TRRAP: variants seen among roughly 807,000 people sequenced by gnomAD.
The protein encoded by TRRAP is transformation/transcription domain associated protein.
TRRAP carries 41 observed loss-of-function variants against 438.8 expected under a neutral mutation model. The observed-to-expected ratio is 0.09, with a 90% CI of 0.07 to 0.12. The LOEUF (loss-of-function observed/expected upper bound fraction) is 0.12, where lower values mean the gene tolerates loss of function less well. Ranked by LOEUF, TRRAP falls within the 10% of genes least tolerant of loss-of-function variation. The pLI, the probability that TRRAP is intolerant of heterozygous loss-of-function variation, is 1.00. For synonymous variants in TRRAP, 1,994 were observed against 1,962.9 expected, an observed-to-expected ratio of 1.02 and a Z score of -0.42; for missense variants, 3,122 against 5,055.1, an observed-to-expected ratio of 0.62 and a Z score of 11.60.
intron 21 of TRRAP, among the ~76,000 whole-genome samples, chr7:98,923,205 C>T (rs1789878513): frequency 6.6e-6 from 1 of 152,206 alleles, no homozygotes; most frequent in South Asian, 2.1e-4. Flanking sequence ...TTTTATTTGA[C>T]TCTGTATAGA....
chr7:98,929,107 T>C (rs1790205049), intron 23 of TRRAP, among the ~76,000 whole-genome samples: 1 of 151,828 alleles, frequency 6.6e-6, no homozygotes, highest in South Asian at 2.1e-4. Flanking sequence ...CCCGGGTAAT[T>C]TTTTTGGTAT....
chr7:98,965,591 A>G, intron 48 of TRRAP, 105 bp from the exon 49 acceptor site: 1 of 1,485,834 alleles, frequency 6.7e-7, no homozygotes, highest in Non-Finnish European at 9.3e-7. Context: ...AAAAACATTG[A>G]GGGGGAAAAT....
intron 61 of TRRAP, among the ~76,000 whole-genome samples, chr7:98,984,729 A>C (rs1282124470): frequency 6.6e-6 from 1 of 152,216 alleles, no homozygotes; most frequent in East Asian, 1.9e-4. Flanking sequence ...AAGACCCCTA[A>C]GTATTTAGGA....
At chr7:98,910,479 A>T in intron 15 of TRRAP, 31 bp from the exon 16 acceptor site, 1 of 1,613,720 alleles carries the variant, frequency 6.2e-7, no homozygotes, top group South Asian at 1.1e-5. Flanking sequence ...AGTTTTATTC[A>T]AGTTAACTTA....
rs782445448 is a variant in TRRAP, at chr7:98,892,431, G to A, written c.269G>A (p.Arg90Gln). Reference sequence around the variant, plus strand: ...TTTATTTTTTCTTGCCAGCAACTGCGGAAGCTCGTACTTGAAATAATTCAT... The same window carrying A: ...TTTATTTTTTCTTGCCAGCAACTGCAGAAGCTCGTACTTGAAATAATTCAT... ...FLQEKPAQQL[R>Q]KLVLEIIHRI... Residue 90 changes from arginine (R) to glutamine (Q), a missense_variant, in exon 5 of 73, where the codon CGG becomes CAG. Arg to Gln is a conservative substitution (Grantham distance 43). Around this residue, in one of 24 missense-constraint regions of TRRAP, gnomAD observed 343 missense variants for 564.0 expected, o/e 0.61. Coordinates refer to ENST00000456197, the MANE Select transcript of TRRAP (RefSeq NM_001375524.1). 13 of 1,609,590 alleles carry A rather than the reference G, an allele frequency of 8.1e-6. No homozygotes were observed. The highest frequency in any genetic ancestry group is 6.7e-5 in the East Asian group (3 of 44,876).
At chr7:98,920,300 A>G (rs1315227883) in intron 20 of TRRAP, among the ~76,000 whole-genome samples, 1 of 151,982 alleles carries the variant, frequency 6.6e-6, no homozygotes, top group Non-Finnish European at 1.5e-5. Context: ...GTGAAACCCT[A>G]TCTGCACTAA....
intron 21 of TRRAP, 91 bp from the exon 22 acceptor site, chr7:98,925,021 T>G: frequency 6.8e-7 from 1 of 1,475,782 alleles, no homozygotes; most frequent in Non-Finnish European, 9.0e-7. Flanking sequence ...AAAAAAAGAT[T>G]CTTCTGGGTG....
chr7:98,950,998 T>C lies in TRRAP; in HGVS notation c.5457T>C (p.Ile1819=), dbSNP rs782711911. The part of the protein sequence containing the change: ...DNPESITSVF[I]TKVLDPEKQA... ...CAGAAAGCATCACCAGTGTGTTTAT[T>C]ACCAAGGTGGTATCACTATGTGTGT... The change falls in exon 39 of 73, where the codon ATT becomes ATC. Residue 1819 remains isoleucine (I), a synonymous_variant. Transcript: ENST00000456197. 4 of 1,599,092 alleles carry C rather than the reference T, an allele frequency of 2.5e-6. No individual in the cohort carries two copies. The highest frequency in any genetic ancestry group is 2.6e-6 in the Non-Finnish European group (3 of 1,174,860).
chr7:98,947,139 C>T lies in TRRAP; in HGVS notation c.4549-1082C>T, dbSNP rs1432459514. The stretch of plus-strand genomic sequence containing the variant: ...CACAGCGCAGCACGGCACATTGGAA[C>T]GTGTCCCTCCCTTGTGGCCATGGAG... On this transcript the variant is annotated intron_variant, in intron 33 of 72. Coordinates refer to ENST00000456197, the MANE Select transcript of TRRAP (RefSeq NM_001375524.1). 5.3e-5 allele frequency among the ~76,000 whole-genome samples: 8 copies of T among 152,230 alleles called. No homozygotes were observed. In the South Asian group the frequency reaches 6.2e-4, roughly 12 times the overall value.
intron 14 of TRRAP, 57 bp downstream of exon 14, chr7:98,909,019 ATTTTTTTTTTT>A: frequency 9.2e-7 from 1 of 1,091,046 alleles, no homozygotes; most frequent in African/African-American, 1.8e-5. Flanking sequence ...TTGTGGCTAA[ATTTTTTTTTTT>A]TTTTTTTTTT....
chr7:98,964,820 C>G (rs1343839887), intron 48 of TRRAP, 45 bp downstream of exon 48: 2 of 1,581,472 alleles, frequency 1.3e-6, no homozygotes, highest in Non-Finnish European at 1.7e-6. Flanking sequence ...CTCTGTTGAA[C>G]AGAGAACAGA....
At chr7:98,878,822 G>A (rs1332075565) in intron 1 of TRRAP, among the ~76,000 whole-genome samples, 185 bp downstream of exon 1, 2 of 152,114 alleles carry the variant, frequency 1.3e-5, no homozygotes, top group African/African-American at 4.8e-5. Flanking sequence ...TTGCGGCCGA[G>A]CTGAGAGGAA....
intron 59 of TRRAP, among the ~76,000 whole-genome samples, chr7:98,982,627 G>A (rs569331244): frequency 4.6e-5 from 7 of 152,204 alleles, no homozygotes; most frequent in Non-Finnish European, 1.0e-4. Flanking sequence ...TAGAAGCCAA[G>A]GACAGAATTT....
Position 98,921,906 on chromosome 7 carries a change from G to T in TRRAP, c.2776G>T (p.Val926Leu). Residue 926 changes from valine to leucine, a missense_variant, in exon 21 of 73, where the codon GTG (valine) becomes TTG (leucine). Physicochemically the swap from Val to Leu is conservative, Grantham distance 32. Around this residue, in one of 24 missense-constraint regions of TRRAP, gnomAD observed 133 missense variants for 188.6 expected, o/e 0.71. Transcript: ENST00000456197. ...CGAGGTTCAGGGCCCCAGCATCACT[G>T]TGGAGTTTTCCGACTGCAAAGCTTC... ...VTEVQGPSIT[V>L]EFSDCKASLQ... The T allele has an allele frequency of 6.2e-7, 1 of 1,614,234 alleles. No individual in the cohort carries two copies. Among genetic ancestry groups the T allele is most frequent in the Non-Finnish European group, 8.5e-7 (1 of 1,180,040 alleles).
At chr7:98,992,339 C>G in intron 65 of TRRAP, 112 bp downstream of exon 65, 1 of 1,097,232 alleles carries the variant, frequency 9.1e-7, no homozygotes, top group Non-Finnish European at 1.4e-6. Context: ...CACTCATAGC[C>G]GTGGCCAATC....
chr7:98,956,913 C>A lies in TRRAP; in HGVS notation c.6231+380C>A, dbSNP rs964020110. 1.3e-5 allele frequency among the ~76,000 whole-genome samples: 2 copies of A among 151,932 alleles called. No individual in the cohort carries two copies. Among genetic ancestry groups the A allele is most frequent in the African/African-American group, 4.8e-5 (2 of 41,348 alleles). ...GCCACCAAGAGGGTCCTGGGTATTG[C>A]CCCTTGTGGAGTGGTGGCCCTAGGA... On this transcript the variant is annotated intron_variant, in intron 43 of 72. Transcript: ENST00000456197. The surrounding 1 kb of genome is among the most constrained non-coding windows in gnomAD (Gnocchi z 4.5).
intron 13 of TRRAP, 61 bp downstream of exon 13, chr7:98,906,316 C>G (rs1247835505): frequency 9.5e-6 from 13 of 1,361,330 alleles, no homozygotes; most frequent in Non-Finnish European, 1.4e-5. Flanking sequence ...GTTACTGGCA[C>G]TTCATGTTAC....
At chr7:98,957,748 C>T (rs975113399) in intron 43 of TRRAP, among the ~76,000 whole-genome samples, 5 of 152,320 alleles carry the variant, frequency 3.3e-5, no homozygotes, top group African/African-American at 1.2e-4. Context: ...GGGCCTCGCA[C>T]TTTTGTTCCC....
rs2116741238 is a variant in TRRAP, at chr7:98,978,865, G to A, written c.8595G>A (p.Arg2865=). ...ACCTCGTCCTGGAGTGCGCCTGGCG[G>A]GTGTCCAACTGGACTGCCATGAAGG... ...NPYLVLECAW[R]VSNWTAMKEA... is the part of the protein sequence containing the mutation. The change falls in exon 58 of 73, where the codon CGG becomes CGA. Residue 2865 remains arginine (R), a synonymous_variant. Transcript: ENST00000456197. 6.2e-6 allele frequency: 10 copies of A among 1,614,184 alleles called. No homozygotes were observed. The highest frequency in any genetic ancestry group is 4.0e-5 in the African/African-American group (3 of 75,068).
Sources: allele counts gnomAD v4.1 joint callset (sites outside exome capture counted in the v4.1 genomes callset), GRCh38; gene constraint gnomAD v4.1.1; regional missense constraint gnomAD v4.1.1; non-coding constraint Gnocchi (gnomAD v3.1); transcripts MANE v1.5; gene names NCBI Gene and HGNC (gene_info 2026-07-23, HGNC 2026-07-21).